Variants in CNTNAP2 observed in about 807,000 individuals in gnomAD.
CNTNAP2 encodes the protein contactin associated protein 2.
Under a neutral mutation model 155.2 loss-of-function variants are expected in CNTNAP2, and 98 were observed. That is an observed-to-expected ratio of 0.63 (90% CI 0.54 to 0.75). CNTNAP2 has a LOEUF of 0.75. CNTNAP2 is among the 30% of genes least tolerant of loss of function. The pLI, the probability that CNTNAP2 is intolerant of heterozygous loss-of-function variation, is 0.00. For synonymous variants in CNTNAP2, 651 were observed against 631.2 expected, an observed-to-expected ratio of 1.03 and a Z score of -0.47; for missense variants, 1,727 against 1,688.1, an observed-to-expected ratio of 1.02 and a Z score of -0.40.
chr7:146,194,826 C>T (rs77009918), intron 1 of CNTNAP2, among the ~76,000 whole-genome samples: 1 of 152,114 alleles, frequency 6.6e-6, no homozygotes, highest in East Asian at 1.9e-4. Flanking sequence ...ACAATGTTTT[C>T]TATATATAAG....
intron 9 of CNTNAP2, among the ~76,000 whole-genome samples, chr7:147,331,871 A>C (rs976106589): frequency 1.3e-5 from 2 of 152,124 alleles, no homozygotes; most frequent in African/African-American, 2.4e-5. Context: ...CAGTATCCTC[A>C]CTCAGGAGTG....
intron 10 of CNTNAP2, among the ~76,000 whole-genome samples, chr7:147,420,163 G>A (rs977564600): frequency 6.6e-6 from 1 of 152,194 alleles, no homozygotes; most frequent in African/African-American, 2.4e-5. Flanking sequence ...TGTTAGAAAT[G>A]AGAGCAATAA....
intron 14 of CNTNAP2, among the ~76,000 whole-genome samples, chr7:147,965,585 T>A (rs935484106): frequency 2.6e-5 from 4 of 151,828 alleles, no homozygotes; most frequent in Admixed American, 6.6e-5. Context: ...TTTGCAATAT[T>A]TAACATAATA....
At chr7:147,455,111 T>C (rs2116576025) in intron 10 of CNTNAP2, among the ~76,000 whole-genome samples, 1 of 152,288 alleles carries the variant, frequency 6.6e-6, no homozygotes, top group Middle Eastern at 3.4e-3. Flanking sequence ...ATTTCATTAA[T>C]ACTAAGTACA....
intron 13 of CNTNAP2, among the ~76,000 whole-genome samples, chr7:147,686,853 G>T (rs921175413): frequency 6.7e-6 from 1 of 148,854 alleles, no homozygotes; most frequent in Non-Finnish European, 1.5e-5. Flanking sequence ...GAGAGGGATA[G>T]TGTAAAAAAA....
intron 15 of CNTNAP2, among the ~76,000 whole-genome samples, chr7:148,104,005 T>A (rs1804155273): frequency 6.6e-6 from 1 of 152,226 alleles, no homozygotes; most frequent in Non-Finnish European, 1.5e-5. Context: ...TGCTTCTGTA[T>A]GATGTTATTG....
At chr7:146,181,511 C>T (rs969944924) in intron 1 of CNTNAP2, among the ~76,000 whole-genome samples, 9 of 152,144 alleles carry the variant, frequency 5.9e-5, no homozygotes, top group Non-Finnish European at 1.2e-4. Flanking sequence ...ACATATCCTT[C>T]CATAACCGTG....
intron 1 of CNTNAP2, among the ~76,000 whole-genome samples, chr7:146,607,837 C>T (rs1201819721): frequency 6.6e-6 from 1 of 152,020 alleles, no homozygotes; most frequent in African/African-American, 2.4e-5. Flanking sequence ...TTTTATCATC[C>T]AAACCTAAAA....
chr7:147,202,830 G>T (rs1179018549), intron 8 of CNTNAP2, among the ~76,000 whole-genome samples: 1 of 141,416 alleles, frequency 7.1e-6, no homozygotes, highest in East Asian at 2.2e-4. Flanking sequence ...ATAGCATTAG[G>T]AGAAATACCT....
At chr7:146,361,064 G>A (rs533096099) in intron 1 of CNTNAP2, among the ~76,000 whole-genome samples, 11 of 152,268 alleles carry the variant, frequency 7.2e-5, no homozygotes, top group African/African-American at 2.6e-4. Flanking sequence ...TTTGTAGCAG[G>A]AATTCTGGGT....
chr7:146,759,714 TGGGTG>T (rs565488573), intron 1 of CNTNAP2, among the ~76,000 whole-genome samples: 1,233 of 49,606 alleles, frequency 0.025, 18 homozygotes, highest in African/African-American at 0.086. Context: ...AAAAAAAAGG[TGGGTG>T]GGGTGGGGTG....
chr7:146,965,125 A>G (rs1215748824), intron 3 of CNTNAP2, among the ~76,000 whole-genome samples: 2 of 152,174 alleles, frequency 1.3e-5, no homozygotes, highest in African/African-American at 4.8e-5. Flanking sequence ...GAACGGCAGG[A>G]AGGTGGGGTC....
chr7:148,090,550 T>C (rs947935573), intron 15 of CNTNAP2, among the ~76,000 whole-genome samples: 9 of 152,060 alleles, frequency 5.9e-5, no homozygotes, highest in African/African-American at 1.7e-4. Flanking sequence ...AACCATAAGA[T>C]ACCACCTCAA....
At chr7:147,761,478 T>C (rs1797297320) in intron 13 of CNTNAP2, among the ~76,000 whole-genome samples, 2 of 152,182 alleles carry the variant, frequency 1.3e-5, no homozygotes, top group African/African-American at 2.4e-5. Context: ...CCTGTTTCTG[T>C]ATATTCCTCC....
chr7:146,713,118 A>G lies in CNTNAP2; in HGVS notation c.98-61153A>G, dbSNP rs556183145. Among the ~76,000 whole-genome samples the G allele has an allele frequency of 2.0e-5, 3 of 152,278 alleles. No individual in the cohort carries two copies. In the South Asian group the frequency reaches 6.2e-4, roughly 32 times the overall value. On this transcript the variant is annotated intron_variant, in intron 1 of 23. Transcript: ENST00000361727. ...CTCGCAGGACCCTAAATATAACATT[A>G]GTAATGCAAGAGAGATAAAACATAT...
At chr7:148,170,542 T>C (rs1024088725) in intron 17 of CNTNAP2, among the ~76,000 whole-genome samples, 19 of 152,226 alleles carry the variant, frequency 1.2e-4, no homozygotes, top group Admixed American at 2.6e-4. Flanking sequence ...TCTTTTGCCA[T>C]CTACTCTCTC....
At chr7:146,868,408 T>C (rs907403431) in intron 3 of CNTNAP2, among the ~76,000 whole-genome samples, 2 of 152,184 alleles carry the variant, frequency 1.3e-5, no homozygotes, top group East Asian at 3.9e-4. Flanking sequence ...CATGCTGTTT[T>C]CATTCCTTTA....
intron 1 of CNTNAP2, among the ~76,000 whole-genome samples, chr7:146,668,561 T>C (rs1043414277): frequency 2.6e-5 from 4 of 152,096 alleles, no homozygotes; most frequent in Non-Finnish European, 5.9e-5. Flanking sequence ...TGAAATAGTT[T>C]GAGAATGATT....
intron 11 of CNTNAP2, among the ~76,000 whole-genome samples, chr7:147,508,329 T>C (rs1541415): frequency 0.76 from 115,933 of 152,076 alleles, 45,473 homozygotes; most frequent in East Asian, 0.96. Context: ...AAAACGGTCC[T>C]TTAGCAACCC....
Sources: allele counts gnomAD v4.1 joint callset (sites outside exome capture counted in the v4.1 genomes callset), GRCh38; gene constraint gnomAD v4.1.1; transcripts MANE v1.5; gene names NCBI Gene and HGNC (gene_info 2026-07-23, HGNC 2026-07-21).